The following NOL11 variants were observed in gnomAD, a reference collection of about 807,000 sequenced individuals.
The protein encoded by NOL11 is nucleolar protein 11.
Under a neutral mutation model 93.0 loss-of-function variants are expected in NOL11, and 42 were observed. The ratio of observed to expected loss-of-function variants is 0.45; its 90% CI spans 0.35 to 0.58. NOL11 has a LOEUF of 0.58. Among genes scored for constraint, NOL11 ranks in the 20% least tolerant of loss-of-function variants. The probability of loss-of-function intolerance (pLI) is 0.00; values close to 1 mark genes in which losing one functional copy is unlikely to be tolerated. For synonymous variants in NOL11, 296 were observed against 293.7 expected (o/e 1.01, Z -0.08); for missense variants, 775 against 841.8 (o/e 0.92, Z 0.98).
Position 67,721,557 on chromosome 17 carries a change from C to T in NOL11, c.461+31C>T, listed in dbSNP as rs557836200. The T allele has an allele frequency of 8.5e-5, 134 of 1,582,672 alleles. No individual in the cohort carries two copies. The South Asian group carries it at 1.5e-3, about 17-fold the overall frequency. ...TTCCAGTACTTGTAAGTAAATTTAT[C>T]AAAATAAAAATGCACTGAACATTTT... On this transcript the variant is annotated intron_variant, in intron 4 of 17. Coordinates refer to ENST00000253247, the MANE Select transcript of NOL11 (RefSeq NM_015462.5).
chr17:67,717,998 C>A lies in NOL11; in HGVS notation c.51C>A (p.Ala17=). 2 of 1,614,208 alleles carry A rather than the reference C, an allele frequency of 1.2e-6. No homozygotes were observed. The highest frequency in any genetic ancestry group is 1.7e-6 in the Non-Finnish European group (2 of 1,180,034). The stretch of plus-strand genomic sequence containing the variant: ...CGTTGTCTTCGGTAGTCCTGAGCGC[C>A]GGGCCTGAAGGACTCCTAGGCGTGG... ...EFTLSSVVLS[A]GPEGLLGVEQ... is the part of the protein sequence containing the mutation. The change falls in exon 1 of 18, where the codon GCC becomes GCA. Residue 17 remains alanine, a synonymous_variant. Coordinates refer to ENST00000253247, the MANE Select transcript of NOL11 (RefSeq NM_015462.5).
Position 67,722,580 on chromosome 17 carries a change from A to T in NOL11, c.462A>T (p.Lys154Asn). ...ETVISDEEVIKWTKFFVVFRH... is the reference protein window; with the variant it reads ...ETVISDEEVINWTKFFVVFRH... ...ATTTTTCTTTTTTCTTTTTTTGTAGATGGACAAAGTTTTTCGTAGTATTCA... is the reference window on the plus strand; with the variant it reads ...ATTTTTCTTTTTTCTTTTTTTGTAGTTGGACAAAGTTTTTCGTAGTATTCA... The change falls in exon 5 of 18, where the codon AAA becomes AAT. Residue 154 changes from lysine (K) to asparagine (N), a missense_variant and splice_region_variant. Physicochemically the swap from Lys to Asn is moderately conservative, Grantham distance 94. This residue lies in a region of NOL11 where 359 missense variants were observed against 316.5 expected (regional missense o/e 1.13). Coordinates refer to ENST00000253247, the MANE Select transcript of NOL11 (RefSeq NM_015462.5). 6.4e-7 allele frequency: 1 copy of T among 1,566,372 alleles called. No homozygotes were observed. Among genetic ancestry groups the T allele is most frequent in the Non-Finnish European group, 8.6e-7 (1 of 1,165,290 alleles).
chr17:67,743,319 T>TAAA, intron 16 of NOL11, 160 bp from the exon 17 acceptor site: 1 of 444,354 alleles, frequency 2.3e-6, no homozygotes, highest in Non-Finnish European at 4.0e-6. Context: ...AATGAGCCTT[T>TAAA]TTATATTTCG....
At chr17:67,721,924 T>G (rs1399447696) in intron 4 of NOL11, among the ~76,000 whole-genome samples, 1 of 152,236 alleles carries the variant, frequency 6.6e-6, no homozygotes, top group African/African-American at 2.4e-5. Flanking sequence ...GAAAAATGAC[T>G]CATCAAGGGA....
Position 67,718,065 on chromosome 17 carries a change from G to C in NOL11, c.118G>C (p.Gly40Arg). The C allele has an allele frequency of 6.2e-7, 1 of 1,614,214 alleles. No individual in the cohort carries two copies. Residue 40 changes from glycine (G) to arginine (R), a missense_variant, in exon 1 of 18, where the codon GGC becomes CGC. This residue lies in a region of NOL11 where 359 missense variants were observed against 316.5 expected (regional missense o/e 1.13). Transcript: ENST00000253247. ...AGACCAGTTTCTAGTGACAGACAGC[G>C]GCAGGACAGTCATCCTCTATAAGGT... ...KTDQFLVTDSGRTVILYKVSD... is the reference protein window; with the variant it reads ...KTDQFLVTDSRRTVILYKVSD...
rs34385101 is a variant in NOL11 at position 67,729,672 on chromosome 17, G to A, written c.853+3024G>A. ...CGGCTCACTGCAAGCTCCGCCCCCC[G>A]GGTTCATGCCATTCCCCTGACTCAG... On this transcript the variant is annotated intron_variant, in intron 7 of 17. Coordinates refer to ENST00000253247, the MANE Select transcript of NOL11 (RefSeq NM_015462.5). Among the ~76,000 whole-genome samples the A allele has an allele frequency of 0.017, 2,524 of 151,938 alleles. 200 individuals carry two copies. The East Asian group carries it at 0.26, about 16-fold the overall frequency.
At chr17:67,724,289 G>GT in intron 6 of NOL11, 96 bp downstream of exon 6, 2 of 611,968 alleles carry the variant, frequency 3.3e-6, no homozygotes, top group Admixed American at 7.2e-5. Context: ...GAAGCATTCA[G>GT]TTACAGCCAT....
In NOL11 at chr17:67,722,614, G is replaced by A; in HGVS notation, c.496G>A (p.Val166Ile). 6.4e-7 allele frequency: 1 copy of A among 1,563,538 alleles called. No homozygotes were observed. Among genetic ancestry groups the A allele is most frequent in the Non-Finnish European group, 8.6e-7 (1 of 1,163,578 alleles). ...TKFFVVFRHP[V>I]LIFITEKHGN... ...GTTTTTCGTAGTATTCAGACATCCT[G>A]TTTTAATTTTTATTACTGAAAAAGT... Residue 166 changes from valine to isoleucine, a missense_variant, in exon 5 of 18, where the codon GTT (valine) becomes ATT (isoleucine). By Grantham distance (29) the Val-to-Ile change is conservative (BLOSUM62 3). Coordinates refer to ENST00000253247, the MANE Select transcript of NOL11 (RefSeq NM_015462.5).
intron 4 of NOL11, among the ~76,000 whole-genome samples, chr17:67,722,050 C>CA (rs2043220910): frequency 6.6e-6 from 1 of 152,192 alleles, no homozygotes; most frequent in Admixed American, 6.5e-5. Flanking sequence ...TTCTAAAAGT[C>CA]AGAGTGAAGA....
At chr17:67,737,479 A>G (rs1357775503) in intron 11 of NOL11, 29 bp from the exon 12 acceptor site, 3 of 1,561,144 alleles carry the variant, frequency 1.9e-6, no homozygotes, top group African/African-American at 2.7e-5. Context: ...TAATGTGCCA[A>G]ACTGAATTCT....
In NOL11 at chr17:67,743,520, T is replaced by C. The variant is rs1180320640; in HGVS notation, c.1977T>C (p.Thr659=). The C allele has an allele frequency of 1.2e-6, 2 of 1,600,222 alleles. No homozygotes were observed. Among genetic ancestry groups the C allele is most frequent in the Non-Finnish European group, 1.7e-6 (2 of 1,169,960 alleles). Residue 659 remains threonine (T), a synonymous_variant, in exon 17 of 18, where the codon ACT becomes ACC. Transcript: ENST00000253247. ...WICLLLDANF[T]VVVMMPEAKR... ...GTCTACTTCTGGATGCAAATTTTAC[T>C]GTTGTTGTAATGATGCCAGAAGCAA... is the stretch of plus-strand genomic sequence containing the variant.
chr17:67,718,969 A>G (rs183591592), intron 1 of NOL11: 71 of 152,366 alleles, frequency 4.7e-4, no homozygotes, highest in African/African-American at 1.7e-3. Context: ...TTAATTTCCC[A>G]TGCCGCTGTT....
chr17:67,741,364 C>T (rs1182993647), intron 16 of NOL11, among the ~76,000 whole-genome samples: 2 of 151,894 alleles, frequency 1.3e-5, no homozygotes, highest in African/African-American at 4.8e-5. Context: ...GCTACCGTGC[C>T]CGGGCAAACT....
intron 3 of NOL11, among the ~76,000 whole-genome samples, chr17:67,720,859 T>TATAG (rs796211333): frequency 1.3e-5 from 2 of 152,376 alleles, no homozygotes; most frequent in African/African-American, 4.8e-5. Context: ...TTGAAACTTC[T>TATAG]AGCTAGCTAG....
intron 4 of NOL11, 52 bp downstream of exon 4, chr17:67,721,578 A>AT (rs746499201): frequency 3.3e-6 from 5 of 1,493,316 alleles, no homozygotes; most frequent in Non-Finnish European, 3.7e-6. Flanking sequence ...TGCACTGAAC[A>AT]TTTTTTTGCC....
rs1343408387 is a variant in NOL11 at position 67,742,023 on chromosome 17, T to A, written c.1936-1456T>A. Among the ~76,000 whole-genome samples the A allele has an allele frequency of 2.6e-5, 4 of 152,358 alleles. No homozygotes were observed. The South Asian group carries it at 6.2e-4, about 24-fold the overall frequency. On this transcript the variant is annotated intron_variant, in intron 16 of 17. Coordinates refer to ENST00000253247, the MANE Select transcript of NOL11 (RefSeq NM_015462.5). ...TTACCATTTTTTGCTGTTGTAAATC[T>A]TCAGTGAGGATCTTTATACAGATAT...
chr17:67,718,339 A>G (rs572240928), intron 1 of NOL11, among the ~76,000 whole-genome samples: 1 of 152,274 alleles, frequency 6.6e-6, no homozygotes, highest in East Asian at 1.9e-4. Flanking sequence ...AAAGAAAGAA[A>G]ACCTGTGCTT....
chr17:67,742,299 A>G lies in NOL11; in HGVS notation c.1936-1180A>G, dbSNP rs1027730264. Among the ~76,000 whole-genome samples, 5 of 152,332 alleles carry G rather than the reference A, an allele frequency of 3.3e-5. No homozygotes were observed. The South Asian group carries it at 1.0e-3, about 32-fold the overall frequency. On this transcript the variant is annotated intron_variant, in intron 16 of 17. Transcript: ENST00000253247. ...TAATTTGCATTTCTTTGATAATGAG[A>G]GAAGGAAACCGTCTCTTCTTGTCCA...
intron 9 of NOL11, 65 bp from the exon 10 acceptor site, chr17:67,736,601 A>G: frequency 1.0e-6 from 1 of 978,858 alleles, no homozygotes; most frequent in Admixed American, 2.4e-5. Context: ...TTGTTCTTTG[A>G]TTGTTTAGTT....
Sources: allele counts gnomAD v4.1 joint callset (sites outside exome capture counted in the v4.1 genomes callset), GRCh38; gene constraint gnomAD v4.1.1; regional missense constraint gnomAD v4.1.1; transcripts MANE v1.5; gene names NCBI Gene and HGNC (gene_info 2026-07-23, HGNC 2026-07-21).